ERG: variants seen among roughly 807,000 people sequenced by gnomAD.
ERG encodes transcriptional regulator ERG.
In ERG, 9 loss-of-function variants were observed where a neutral mutation model predicts 55.3. The observed-to-expected ratio is 0.16, with a 90% CI of 0.10 to 0.28. The LOEUF (loss-of-function observed/expected upper bound fraction) is 0.28. Among genes scored for constraint, ERG ranks in the 10% least tolerant of loss-of-function variants. The pLI is 1.00. For missense variants in ERG, 434 were observed against 631.6 expected (o/e 0.69, Z 3.35); for synonymous variants, 223 against 237.3 (o/e 0.94, Z 0.55).
chr21:38,449,263 T>C (rs773641968), intron 1 of ERG, among the ~76,000 whole-genome samples: 52 of 152,356 alleles, frequency 3.4e-4, no homozygotes, highest in Admixed American at 9.1e-4. Flanking sequence ...GGGGTGTTTT[T>C]TTCTGTAGCT....
At chr21:38,401,878 C>T (rs1257601542) in intron 5 of ERG, among the ~76,000 whole-genome samples, 1 of 152,174 alleles carries the variant, frequency 6.6e-6, no homozygotes. Context: ...GGTGTTAAAC[C>T]CTACTTAGGC....
At chr21:38,462,043 G>A (rs944216881) in intron 1 of ERG, among the ~76,000 whole-genome samples, 6 of 151,752 alleles carry the variant, frequency 4.0e-5, no homozygotes, top group Admixed American at 6.6e-5. Context: ...ATGCAGTGGC[G>A]CGATCTTGGC....
At chr21:38,657,551 T>G (rs1171415504) in intron 1 of ERG, among the ~76,000 whole-genome samples, 2 of 152,202 alleles carry the variant, frequency 1.3e-5, no homozygotes, top group African/African-American at 2.4e-5. Context: ...AGCCTCTTTC[T>G]AATATGAAAA....
intron 2 of ERG, among the ~76,000 whole-genome samples, chr21:38,439,182 T>A (rs1409953591): frequency 6.6e-6 from 1 of 152,118 alleles, no homozygotes; most frequent in Non-Finnish European, 1.5e-5. Flanking sequence ...AAGGGGAAGG[T>A]GCCACTTAGT....
Position 38,570,596 on chromosome 21 carries a change from G to A in ERG, c.-41+5066C>T, listed in dbSNP as rs76451215. On this transcript the variant is annotated intron_variant, in intron 2 of 8. Transcript: ENST00000398897. ...CAGTGGGGTCTAAATGTACTAACTCGTTTAATCTCCCACGAACCCTGCAAA... is the reference window on the plus strand; with the variant it reads ...CAGTGGGGTCTAAATGTACTAACTCATTTAATCTCCCACGAACCCTGCAAA... Among the ~76,000 whole-genome samples the A allele has an allele frequency of 2.5e-3, 374 of 152,190 alleles. 5 individuals carry two copies. The highest frequency in any genetic ancestry group is 8.5e-3 in the African/African-American group (352 of 41,514).
At chr21:38,420,126 G>A (rs1989471736) in intron 3 of ERG, among the ~76,000 whole-genome samples, 1 of 151,920 alleles carries the variant, frequency 6.6e-6, no homozygotes. Flanking sequence ...TCAGGACCAG[G>A]TCTGGAGAAT....
intron 1 of ERG, among the ~76,000 whole-genome samples, chr21:38,629,218 T>TGC (rs1568960268): frequency 1.6e-4 from 25 of 152,256 alleles, no homozygotes; most frequent in South Asian, 6.2e-4. Context: ...CCTGGTTCTT[T>TGC]CTCCAGGGAA....
intron 1 of ERG, among the ~76,000 whole-genome samples, chr21:38,625,727 G>T (rs949916394): frequency 1.3e-5 from 2 of 151,994 alleles, no homozygotes; most frequent in African/African-American, 4.8e-5. Context: ...TTCACATCAA[G>T]ACTTTATTTT....
At chr21:38,467,886 G>A (rs1411999243) in intron 1 of ERG, among the ~76,000 whole-genome samples, 1 of 152,216 alleles carries the variant, frequency 6.6e-6, no homozygotes, top group Non-Finnish European at 1.5e-5. Context: ...GTGTGCATGA[G>A]GGTGTCATTT....
Position 38,383,542 on chromosome 21 carries a change from T to G in ERG, c.1301A>C (p.His434Pro), listed in dbSNP as rs1987545665. 1 of 1,578,354 alleles carries G rather than the reference T, an allele frequency of 6.3e-7. No homozygotes were observed. Residue 434 changes from histidine to proline, a missense_variant, in exon 10 of 10, where the codon CAC becomes CCC. Physicochemically the swap from His to Pro is moderately conservative, Grantham distance 77. Transcript: ENST00000288319. This position sits in a 1 kb window ranked among gnomAD's most constrained non-coding sequence, Gnocchi z 5.7. Reference sequence around the variant, plus strand: ...AGATGTCACGGGGAGGGCTGGAGGGTGGGGCGCCACAAAGTTCATCTTCTG... The same window carrying G: ...AGATGTCACGGGGAGGGCTGGAGGGGGGGGCGCCACAAAGTTCATCTTCTG... The part of the protein sequence containing the change: ...HPQKMNFVAP[H>P]PPALPVTSSS...
intron 1 of ERG, among the ~76,000 whole-genome samples, chr21:38,488,622 A>T (rs765145879): frequency 2.0e-5 from 3 of 152,206 alleles, no homozygotes; most frequent in African/African-American, 4.8e-5. Context: ...ACAATCTGTG[A>T]GCTGATATTT....
intron 1 of ERG, among the ~76,000 whole-genome samples, chr21:38,597,589 T>C (rs2060139831): frequency 6.6e-6 from 1 of 152,158 alleles, no homozygotes; most frequent in African/African-American, 2.4e-5. Flanking sequence ...CACTCCTGCA[T>C]TGATGAGTCA....
chr21:38,457,564 T>C (rs1176958767), intron 1 of ERG, among the ~76,000 whole-genome samples: 1 of 152,146 alleles, frequency 6.6e-6, no homozygotes, highest in East Asian at 1.9e-4. Context: ...TAAACCTCGG[T>C]CTTTAGATTG....
chr21:38,475,424 A>C (rs2059178396), intron 1 of ERG, among the ~76,000 whole-genome samples: 1 of 152,162 alleles, frequency 6.6e-6, no homozygotes, highest in African/African-American at 2.4e-5. Context: ...TTACAATCAA[A>C]GCAGATGGAC....
chr21:38,627,512 A>C (rs2060331923), intron 1 of ERG, among the ~76,000 whole-genome samples: 1 of 152,216 alleles, frequency 6.6e-6, no homozygotes, highest in South Asian at 2.1e-4. Flanking sequence ...AGGAAAAAAA[A>C]AATCAGCTGA....
At chr21:38,367,323 T>C in the ERG span, among the ~76,000 whole-genome samples, 1 of 152,238 alleles carries the variant, frequency 6.6e-6, no homozygotes, top group African/African-American at 2.4e-5. Flanking sequence ...CTCACAGTTT[T>C]GGTGGATCAG....
chr21:38,535,677 T>A (rs2059704694), intron 2 of ERG, among the ~76,000 whole-genome samples: 1 of 152,134 alleles, frequency 6.6e-6, no homozygotes, highest in East Asian at 1.9e-4. Flanking sequence ...GACATAAATA[T>A]CAGTAATATA....
chr21:38,652,541 T>C (rs1346454620), intron 1 of ERG, among the ~76,000 whole-genome samples: 2 of 152,214 alleles, frequency 1.3e-5, no homozygotes, highest in African/African-American at 4.8e-5. Flanking sequence ...AGGAATGCAA[T>C]GGCCCGCCAG....
At chr21:38,628,411 G>A (rs1662222938) in intron 1 of ERG, among the ~76,000 whole-genome samples, 1 of 152,150 alleles carries the variant, frequency 6.6e-6, no homozygotes, top group Middle Eastern at 3.2e-3. Flanking sequence ...GGGACCACAT[G>A]AGCATTAATG....
Sources: gnomAD v4.1 joint callset for allele counts (sites outside exome capture counted in the v4.1 genomes callset) on GRCh38, gnomAD v4.1.1 for gene constraint, Gnocchi (gnomAD v3.1) non-coding constraint, MANE v1.5 for transcripts, NCBI Gene and HGNC (gene_info 2026-07-23, HGNC 2026-07-21) for gene names.